RBL1: variants seen among roughly 807,000 people sequenced by gnomAD.
The protein encoded by RBL1 is RB transcriptional corepressor like 1.
RBL1 carries 82 observed loss-of-function variants against 123.0 expected under a neutral mutation model. That is an observed-to-expected ratio of 0.67 (90% CI 0.56 to 0.80). RBL1 has a LOEUF of 0.80. Ranked by LOEUF, RBL1 falls within the 30% of genes least tolerant of loss-of-function variation. The pLI is 0.00. For synonymous variants in RBL1, 405 were observed against 441.3 expected, an observed-to-expected ratio of 0.92 and a Z score of 1.03; for missense variants, 1,171 against 1,299.6, an observed-to-expected ratio of 0.90 and a Z score of 1.52.
At chr20:37,038,253 A>AACT (rs1394305201) in intron 14 of RBL1, among the ~76,000 whole-genome samples, 5 of 150,228 alleles carry the variant, frequency 3.3e-5, no homozygotes, top group African/African-American at 1.2e-4. Flanking sequence ...CGGCCTCCCA[A>AACT]ACTGCTGGGA....
rs1461532766 is a variant in RBL1 at position 36,997,846 on chromosome 20, C to G, written c.*913G>C. The stretch of plus-strand genomic sequence containing the variant: ...GACATCAGGCTGAGATGGCTTAGGG[C>G]TGGAAAGCAAGGATGAGTGTAGCAC... On this transcript the variant is annotated 3_prime_UTR_variant, in exon 22 of 22. Coordinates refer to ENST00000373664, the MANE Select transcript of RBL1 (RefSeq NM_002895.5). 2.0e-5 allele frequency: 3 copies of G among 151,984 alleles called. No homozygotes were observed. Among genetic ancestry groups the G allele is most frequent in the African/African-American group, 7.2e-5 (3 of 41,382 alleles). The allele number at this position is 151,984 out of a possible 1,614,324, so 9.4% of individuals were successfully genotyped here.
At chr20:37,013,883 T>C (rs548143617) in intron 19 of RBL1, among the ~76,000 whole-genome samples, 2 of 152,220 alleles carry the variant, frequency 1.3e-5, no homozygotes, top group South Asian at 2.1e-4. Flanking sequence ...ATATATAAAT[T>C]GTGTGTGTGC....
intron 21 of RBL1, among the ~76,000 whole-genome samples, chr20:36,999,583 A>G (rs1329254801): frequency 1.4e-5 from 2 of 145,244 alleles, no homozygotes; most frequent in African/African-American, 5.0e-5. Flanking sequence ...GCTCACTGCA[A>G]CCTCCCTGCC....
At chr20:37,025,666 T>C (rs550610557) in intron 16 of RBL1, among the ~76,000 whole-genome samples, 16 of 151,976 alleles carry the variant, frequency 1.1e-4, no homozygotes, top group Non-Finnish European at 2.2e-4. Flanking sequence ...AGATATGATA[T>C]CTGGAAGGGA....
At chr20:37,056,952 A>C (rs2065017879) in intron 9 of RBL1, among the ~76,000 whole-genome samples, 1 of 152,032 alleles carries the variant, frequency 6.6e-6, no homozygotes, top group African/African-American at 2.4e-5. Flanking sequence ...TCCTTCTTTT[A>C]TAAGGCTGAA....
chr20:37,093,703 G>A (rs963472698), intron 1 of RBL1, among the ~76,000 whole-genome samples: 24 of 150,282 alleles, frequency 1.6e-4, no homozygotes, highest in Admixed American at 2.7e-4. Context: ...GTGCAATGGC[G>A]TGATCTTGGC....
chr20:37,056,341 C>G, intron 9 of RBL1, 83 bp from the exon 10 acceptor site: 8 of 1,338,372 alleles, frequency 6.0e-6, no homozygotes, highest in Non-Finnish European at 6.7e-6. Context: ...TACTAACATG[C>G]CTTCTTCTTC....
At chr20:37,001,300 C>T (rs1160396805) in intron 21 of RBL1, among the ~76,000 whole-genome samples, 1 of 151,614 alleles carries the variant, frequency 6.6e-6, no homozygotes, top group African/African-American at 2.4e-5. Flanking sequence ...ATGACAATGG[C>T]GGTTTTGTGG....
At chr20:37,006,271 GCTCA>G (rs954694761) in intron 20 of RBL1, among the ~76,000 whole-genome samples, 32 of 150,158 alleles carry the variant, frequency 2.1e-4, no homozygotes, top group Non-Finnish European at 4.0e-4. Context: ...CGCGATCTCT[GCTCA>G]CTGCAACCTC....
chr20:37,012,289 G>A (rs1373925155), intron 19 of RBL1, among the ~76,000 whole-genome samples: 1 of 151,662 alleles, frequency 6.6e-6, no homozygotes, highest in African/African-American at 2.4e-5. Context: ...CCGCCACCCC[G>A]TCTGGGAAGT....
chr20:37,088,520 A>G (rs562811776), intron 2 of RBL1, among the ~76,000 whole-genome samples: 1 of 152,268 alleles, frequency 6.6e-6, no homozygotes, highest in South Asian at 2.1e-4. Flanking sequence ...AGGCAGAGAA[A>G]GAATATGAAA....
In RBL1 at chr20:36,998,606, A is replaced by T; in HGVS notation, c.*153T>A. On this transcript the variant is annotated 3_prime_UTR_variant, in exon 22 of 22. Coordinates refer to ENST00000373664, the MANE Select transcript of RBL1 (RefSeq NM_002895.5). ...TACATCTCTGTCAACTACATTTTGG[A>T]TAAATATTTTAAAAAGCACATAATT... The T allele has an allele frequency of 1.5e-6, 1 of 649,616 alleles. No homozygotes were observed. The highest frequency in any genetic ancestry group is 2.3e-5 in the South Asian group (1 of 43,318). The allele number at this position is 649,616 out of a possible 1,614,324, so 40.2% of individuals were successfully genotyped here.
intron 19 of RBL1, among the ~76,000 whole-genome samples, chr20:37,017,856 T>C (rs1380458443): frequency 1.3e-5 from 2 of 152,102 alleles, no homozygotes; most frequent in South Asian, 4.1e-4. Context: ...AGGATGGCCT[T>C]GATCTCTTGA....
chr20:37,078,632 G>C (rs568843659), intron 2 of RBL1, among the ~76,000 whole-genome samples: 22 of 152,236 alleles, frequency 1.4e-4, no homozygotes, highest in African/African-American at 5.3e-4. Context: ...ATTTCCTTGA[G>C]GACATTACGA....
intron 11 of RBL1, among the ~76,000 whole-genome samples, chr20:37,050,777 A>ATGT (rs2064897357): frequency 6.6e-6 from 1 of 151,920 alleles, no homozygotes; most frequent in Non-Finnish European, 1.5e-5. Context: ...AATGACAGAC[A>ATGT]CATGAATGAA....
At chr20:37,019,259 C>T (rs749987521) in intron 18 of RBL1, among the ~76,000 whole-genome samples, 2 of 152,126 alleles carry the variant, frequency 1.3e-5, no homozygotes, top group African/African-American at 2.4e-5. Context: ...CAGCCCATTC[C>T]CATCTCCTTT....
intron 20 of RBL1, among the ~76,000 whole-genome samples, chr20:37,005,394 G>A (rs1331282661): frequency 1.1e-4 from 16 of 148,560 alleles, no homozygotes; most frequent in Admixed American, 2.0e-4. Flanking sequence ...GCAACAGAGC[G>A]AGACTCCTTC....
intron 9 of RBL1, 56 bp from the exon 10 acceptor site, chr20:37,056,314 AAG>A: frequency 6.7e-7 from 1 of 1,499,554 alleles, no homozygotes; most frequent in South Asian, 1.3e-5. Context: ...ACAAACAAAA[AAG>A]ACTCCACACC....
chr20:37,036,704 C>A (rs1313711294), intron 14 of RBL1, among the ~76,000 whole-genome samples: 1 of 146,984 alleles, frequency 6.8e-6, no homozygotes, highest in Non-Finnish European at 1.5e-5. Context: ...CAGCTCACTG[C>A]AAGCTCCGCC....
Sources: gnomAD v4.1 joint callset for allele counts (sites outside exome capture counted in the v4.1 genomes callset) on GRCh38, gnomAD v4.1.1 for gene constraint, MANE v1.5 for transcripts, NCBI Gene and HGNC (gene_info 2026-07-23, HGNC 2026-07-21) for gene names.